The following DENND1A variants were observed in gnomAD, a reference collection of about 807,000 sequenced individuals.
DENND1A encodes the protein DENN domain containing 1A.
A neutral mutation model predicts 113.7 loss-of-function variants in DENND1A; 51 were observed. The ratio of observed to expected loss-of-function variants is 0.45; its 90% CI spans 0.36 to 0.57. The LOEUF is 0.57. DENND1A is among the 20% of genes least tolerant of loss of function. The pLI, the probability that DENND1A is intolerant of heterozygous loss-of-function variation, is 0.00. For synonymous variants in DENND1A, 565 were observed against 570.8 expected (o/e 0.99, Z 0.14); for missense variants, 1,258 against 1,395.9 (o/e 0.90, Z 1.57).
chr9:123,685,148 T>C (rs2064729111), intron 5 of DENND1A, among the ~76,000 whole-genome samples: 1 of 152,242 alleles, frequency 6.6e-6, no homozygotes, highest in African/African-American at 2.4e-5. Context: ...CATATGTAAA[T>C]GCACCTATCA....
intron 2 of DENND1A, among the ~76,000 whole-genome samples, chr9:123,863,479 C>T (rs917671725): frequency 6.6e-6 from 1 of 152,124 alleles, no homozygotes; most frequent in Non-Finnish European, 1.5e-5. Context: ...CTTTTAAATT[C>T]TTTGTCATAA....
At chr9:123,486,917 G>A (rs2050925632) in intron 13 of DENND1A, among the ~76,000 whole-genome samples, 1 of 152,158 alleles carries the variant, frequency 6.6e-6, no homozygotes, top group African/African-American at 2.4e-5. Flanking sequence ...TGCGACCCTG[G>A]GAGCCGACTG....
chr9:123,384,594 G>A (rs1346227187), intron 22 of DENND1A, among the ~76,000 whole-genome samples: 2 of 152,228 alleles, frequency 1.3e-5, no homozygotes, highest in African/African-American at 2.4e-5. Flanking sequence ...CCACCAGTGA[G>A]CACGGCTGTC....
chr9:123,907,058 G>A (rs1366690248), intron 1 of DENND1A, among the ~76,000 whole-genome samples: 8 of 151,136 alleles, frequency 5.3e-5, no homozygotes, highest in Non-Finnish European at 4.4e-5. Flanking sequence ...TTCAATATAC[G>A]CAAATCAATA....
In DENND1A at chr9:123,663,098, A is replaced by C. The variant is rs75917714; in HGVS notation, c.507+3928T>G. On this transcript the variant is annotated intron_variant, in intron 8 of 23. Coordinates refer to ENST00000394215, the MANE Select transcript of DENND1A (RefSeq NM_001352964.2). ...CAACTATGTAGTACTACATGTTTTT[A>C]AGCCATTAATATGCATTACTTTCAT... Among the ~76,000 whole-genome samples the C allele has an allele frequency of 5.8e-3, 887 of 152,350 alleles. 12 individuals carry two copies. The highest frequency in any genetic ancestry group is 0.043 in the South Asian group (208 of 4,826).
At chr9:123,497,669 C>T (rs766513865) in intron 13 of DENND1A, among the ~76,000 whole-genome samples, 3 of 152,236 alleles carry the variant, frequency 2.0e-5, no homozygotes, top group Non-Finnish European at 4.4e-5. Context: ...TTCAACACTC[C>T]TATCAGTAGC....
At chr9:123,693,833 A>ATTATTAT (rs1554962973) in intron 5 of DENND1A, among the ~76,000 whole-genome samples, 1 of 147,470 alleles carries the variant, frequency 6.8e-6, no homozygotes, top group African/African-American at 2.5e-5. Context: ...TATTATTATT[A>ATTATTAT]TTATTATTAT....
At chr9:123,889,439 C>A (rs547262588) in intron 1 of DENND1A, among the ~76,000 whole-genome samples, 1 of 152,214 alleles carries the variant, frequency 6.6e-6, no homozygotes, top group East Asian at 1.9e-4. Flanking sequence ...TATAAGTAAT[C>A]CACATATTAC....
intron 4 of DENND1A, among the ~76,000 whole-genome samples, chr9:123,767,828 C>T (rs916061522): frequency 3.3e-5 from 5 of 152,172 alleles, no homozygotes; most frequent in African/African-American, 9.6e-5. Context: ...CTATCCAAAA[C>T]AAATCACCAC....
At chr9:123,648,483 T>C (rs891004392) in intron 9 of DENND1A, among the ~76,000 whole-genome samples, 6 of 152,248 alleles carry the variant, frequency 3.9e-5, no homozygotes, top group African/African-American at 7.2e-5. Context: ...TGCTAATTCA[T>C]GCCTTTTGCC....
rs185926941 is a variant in DENND1A, at chr9:123,916,561, C to T, written c.17+13328G>A. 6.2e-3 allele frequency among the ~76,000 whole-genome samples: 940 copies of T among 151,986 alleles called. 13 individuals are homozygous for T. The highest frequency in any genetic ancestry group is 9.0e-3 in the Non-Finnish European group (613 of 67,954). ...CTTATTTTTGTATTTTTAGTAGAGA[C>T]GGGGTTTCTCCATGTGGGTCAGGCT... On this transcript the variant is annotated intron_variant, in intron 1 of 23. Coordinates refer to ENST00000394215, the MANE Select transcript of DENND1A (RefSeq NM_001352964.2).
At chr9:123,754,285 C>T (rs916376976) in intron 5 of DENND1A, among the ~76,000 whole-genome samples, 1 of 152,174 alleles carries the variant, frequency 6.6e-6, no homozygotes, top group African/African-American at 2.4e-5. Context: ...GTGGATACAC[C>T]GTCAACCAGT....
chr9:123,529,326 C>A (rs1367577743), intron 13 of DENND1A, among the ~76,000 whole-genome samples: 1 of 152,090 alleles, frequency 6.6e-6, no homozygotes, highest in Non-Finnish European at 1.5e-5. Flanking sequence ...GACCCCTTCT[C>A]CCCCGACTGT....
chr9:123,450,274 G>T (rs1045912795), intron 18 of DENND1A, among the ~76,000 whole-genome samples: 3 of 152,174 alleles, frequency 2.0e-5, no homozygotes, highest in Admixed American at 1.3e-4. Context: ...CGGTGGCCAC[G>T]TGCATGCTGG....
intron 11 of DENND1A, among the ~76,000 whole-genome samples, chr9:123,595,411 G>T (rs1245774124): frequency 2.0e-5 from 3 of 152,016 alleles, no homozygotes; most frequent in Admixed American, 6.5e-5. Flanking sequence ...TCAACTTTAC[G>T]CTAGGTCTTA....
chr9:123,641,285 G>A (rs1417935261), intron 9 of DENND1A, among the ~76,000 whole-genome samples: 1 of 151,978 alleles, frequency 6.6e-6, no homozygotes, highest in African/African-American at 2.4e-5. Flanking sequence ...TTAAAATTCT[G>A]ATTCTTTAAA....
chr9:123,878,350 A>G (rs1847825152), intron 2 of DENND1A, among the ~76,000 whole-genome samples: 1 of 129,648 alleles, frequency 7.7e-6, no homozygotes, highest in Admixed American at 6.9e-5. Flanking sequence ...ATTAACCAAG[A>G]AAGATTTTAA....
intron 19 of DENND1A, among the ~76,000 whole-genome samples, chr9:123,419,491 C>A (rs2131738526): frequency 6.6e-6 from 1 of 152,384 alleles, no homozygotes; most frequent in South Asian, 2.1e-4. Flanking sequence ...CAATTAAACT[C>A]TGTCGCTGTT....
intron 9 of DENND1A, among the ~76,000 whole-genome samples, chr9:123,648,736 T>C (rs2062475729): frequency 6.6e-6 from 1 of 152,228 alleles, no homozygotes; most frequent in Non-Finnish European, 1.5e-5. Context: ...TATTATTCTA[T>C]TTTGTCTTCT....
Sources: gnomAD v4.1 joint callset for allele counts (sites outside exome capture counted in the v4.1 genomes callset) on GRCh38, gnomAD v4.1.1 for gene constraint, MANE v1.5 for transcripts, NCBI Gene and HGNC (gene_info 2026-07-23, HGNC 2026-07-21) for gene names.